ABLIM2: variants seen among roughly 807,000 people sequenced by gnomAD.
ABLIM2 encodes actin binding LIM protein family member 2.
ABLIM2 carries 53 observed loss-of-function variants against 97.7 expected under a neutral mutation model. The observed-to-expected ratio is 0.54, with a 90% CI of 0.44 to 0.68. ABLIM2 has a LOEUF of 0.68. Among genes scored for constraint, ABLIM2 ranks in the 30% least tolerant of loss-of-function variants. The pLI is 0.00. For synonymous variants in ABLIM2, 361 were observed against 345.8 expected, an observed-to-expected ratio of 1.04 and a Z score of -0.49; for missense variants, 835 against 867.2, an observed-to-expected ratio of 0.96 and a Z score of 0.47.
chr4:7,980,941 A>ATTTTTTTTTTTTTT lies in ABLIM2; in HGVS notation c.1824+2309_1824+2322dup, dbSNP rs1167615555. On this transcript the variant is annotated intron_variant, in intron 20 of 20. Coordinates refer to ENST00000447017, the MANE Select transcript of ABLIM2 (RefSeq NM_001130083.2). Reference sequence around the variant, plus strand: ...AGAACCATGGTCTCCACAACCCCTTATTTTTTTTTTTTTTTTTTTTGAGAT... The same window carrying ATTTTTTTTTTTTTT: ...AGAACCATGGTCTCCACAACCCCTTATTTTTTTTTTTTTTTTTTTTTTTTTTTTTTTTTTGAGAT... 9.6e-5 allele frequency among the ~76,000 whole-genome samples: 8 copies of ATTTTTTTTTTTTTT among 82,980 alleles called. 2 individuals are homozygous for ATTTTTTTTTTTTTT. Among genetic ancestry groups the ATTTTTTTTTTTTTT allele is most frequent in the East Asian group, 5.6e-4 (1 of 1,780 alleles). 54.4% of individuals were successfully genotyped at this position (82,980 alleles called of 152,430 possible).
At chr4:8,110,531 T>C (rs771858905) in intron 1 of ABLIM2, among the ~76,000 whole-genome samples, 59 of 152,128 alleles carry the variant, frequency 3.9e-4, no homozygotes, top group Non-Finnish European at 5.4e-4. Flanking sequence ...TGAGCAATAA[T>C]GTTCCCATAG....
At chr4:7,983,242 G>T in intron 20 of ABLIM2, 22 bp downstream of exon 20, 1 of 1,599,304 alleles carries the variant, frequency 6.3e-7, no homozygotes, top group Non-Finnish European at 8.5e-7. Context: ...TGAGTCCCCT[G>T]CCCCGGCAGT....
rs1712052650 is a variant in ABLIM2, at chr4:8,149,933, C to T, written c.10+8747G>A. ...AGTCCCCACTTGCCAGAGTGGTGGCCCCCATCCAAATGCCCCCTCCTGGCT... is the reference window on the plus strand; with the variant it reads ...AGTCCCCACTTGCCAGAGTGGTGGCTCCCATCCAAATGCCCCCTCCTGGCT... On this transcript the variant is annotated intron_variant, in intron 1 of 20. Transcript: ENST00000447017. The surrounding 1 kb of genome is among the most constrained non-coding windows in gnomAD (Gnocchi z 6.4). Among the ~76,000 whole-genome samples, 1 of 151,998 alleles carries T rather than the reference C, an allele frequency of 6.6e-6. No individual in the cohort carries two copies. Among genetic ancestry groups the T allele is most frequent in the South Asian group, 2.1e-4 (1 of 4,804 alleles).
chr4:8,045,378 C>A (rs925384602), intron 8 of ABLIM2, 137 bp from the exon 9 acceptor site: 2 of 777,180 alleles, frequency 2.6e-6, no homozygotes, highest in Admixed American at 4.2e-5. Context: ...GGGCCGGGCA[C>A]GGCGGCTCAC....
intron 6 of ABLIM2, among the ~76,000 whole-genome samples, chr4:8,070,887 C>T (rs964642418): frequency 1.3e-5 from 2 of 152,146 alleles, no homozygotes; most frequent in South Asian, 4.1e-4. Flanking sequence ...GAGACGGCCC[C>T]TGCACAGACT....
chr4:8,086,874 T>C (rs1416590690), intron 4 of ABLIM2, among the ~76,000 whole-genome samples: 126 of 148,928 alleles, frequency 8.5e-4, no homozygotes, highest in Non-Finnish European at 1.9e-4. Flanking sequence ...TGGAGAGAAA[T>C]TTTTGAATGG....
intron 12 of ABLIM2, among the ~76,000 whole-genome samples, chr4:8,027,144 G>A (rs550059853): frequency 3.3e-5 from 5 of 152,264 alleles, no homozygotes; most frequent in East Asian, 3.9e-4. Context: ...ATACAGTCAC[G>A]TCAGGAATTA....
chr4:8,134,506 T>C (rs568734000), intron 1 of ABLIM2, among the ~76,000 whole-genome samples: 126 of 152,308 alleles, frequency 8.3e-4, no homozygotes, highest in South Asian at 3.1e-3. Context: ...CCAATAGCGA[T>C]CCATCTCCCT....
rs1313365990 is a variant in ABLIM2, at chr4:8,149,069, C to G, written c.10+9611G>C. 2.6e-5 allele frequency among the ~76,000 whole-genome samples: 4 copies of G among 152,298 alleles called. No individual in the cohort carries two copies. In the East Asian group the frequency reaches 5.8e-4, roughly 22 times the overall value. ...CCAGAGTGTGAAGGGGTCTGTAGGG[C>G]TGGGGCCATCTGGAGGCTCCGGGGG... On this transcript the variant is annotated intron_variant, in intron 1 of 20. Coordinates refer to ENST00000447017, the MANE Select transcript of ABLIM2 (RefSeq NM_001130083.2). This position sits in a 1 kb window ranked among gnomAD's most constrained non-coding sequence, Gnocchi z 6.4.
rs1256854727 is a variant in ABLIM2, at chr4:8,036,341, C to T, written c.901-46G>A. ...GGGGAGGGGACAGTCACCAGATGCA[C>T]CCCAGAGGGCAGCACCCCCAAAGCC... On this transcript the variant is annotated intron_variant, in intron 9 of 20. Transcript: ENST00000447017. 1.3e-5 allele frequency: 21 copies of T among 1,599,422 alleles called. No individual in the cohort carries two copies. In the Middle Eastern group the frequency reaches 6.7e-4, roughly 51 times the overall value.
chr4:8,027,693 C>A, intron 12 of ABLIM2, 66 bp downstream of exon 12: 2 of 1,301,902 alleles, frequency 1.5e-6, no homozygotes, highest in South Asian at 1.6e-5. Flanking sequence ...ACATGGACAG[C>A]GAGCACACAG....
intron 20 of ABLIM2, among the ~76,000 whole-genome samples, chr4:7,980,062 A>G (rs536615030): frequency 6.6e-6 from 1 of 152,324 alleles, no homozygotes; most frequent in Admixed American, 6.5e-5. Flanking sequence ...CCACACCTGA[A>G]GGAGACATTC....
rs1208493203 is a variant in ABLIM2, at chr4:8,148,613, G to A, written c.10+10067C>T. Among the ~76,000 whole-genome samples, 1 of 152,192 alleles carries A rather than the reference G, an allele frequency of 6.6e-6. No homozygotes were observed. The highest frequency in any genetic ancestry group is 6.5e-5 in the Admixed American group (1 of 15,288). On this transcript the variant is annotated intron_variant, in intron 1 of 20. Transcript: ENST00000447017. The surrounding 1 kb of genome is among the most constrained non-coding windows in gnomAD (Gnocchi z 6.7). ...GGGTGAAAGCACATCGCGGTGCTGG[G>A]TCCACACTGGGGAAGCGCGTAAGCC...
chr4:7,994,130 G>T (rs1751342924), intron 16 of ABLIM2, among the ~76,000 whole-genome samples: 1 of 37,994 alleles, frequency 2.6e-5, no homozygotes, highest in Admixed American at 3.5e-4. Flanking sequence ...TAAGTTTTAG[G>T]GTACATGTGC....
At chr4:8,111,458 C>A (rs114673906) in intron 1 of ABLIM2, among the ~76,000 whole-genome samples, 2,945 of 152,330 alleles carry the variant, frequency 0.019, 83 homozygotes, top group African/African-American at 0.067. Flanking sequence ...GTGGCCCCCA[C>A]TGTAAAGTAT....
rs753816853 is a variant in ABLIM2 at position 8,071,413 on chromosome 4, C to CT, written c.675+6214dup. 1.6e-4 allele frequency among the ~76,000 whole-genome samples: 24 copies of CT among 152,162 alleles called. No homozygotes were observed. Among genetic ancestry groups the CT allele is most frequent in the Non-Finnish European group, 2.9e-4 (20 of 68,024 alleles). ...GAGGGTGCTGCACGTTTAGGAGAAA[C>CT]TGAGGGAGAGACGGGGAAGGAAAAC... On this transcript the variant is annotated intron_variant, in intron 6 of 20. Coordinates refer to ENST00000447017, the MANE Select transcript of ABLIM2 (RefSeq NM_001130083.2). This position sits in a 1 kb window ranked among gnomAD's most constrained non-coding sequence, Gnocchi z 6.2.
intron 8 of ABLIM2, among the ~76,000 whole-genome samples, chr4:8,048,037 T>C (rs1793685505): frequency 6.6e-6 from 1 of 152,180 alleles, no homozygotes; most frequent in African/African-American, 2.4e-5. Context: ...GGAGGGAGCG[T>C]TGGCTGGTTT....
intron 3 of ABLIM2, among the ~76,000 whole-genome samples, chr4:8,092,764 C>A (rs1482557591): frequency 6.6e-6 from 1 of 152,214 alleles, no homozygotes; most frequent in Non-Finnish European, 1.5e-5. Context: ...CATCCTCAAC[C>A]TTGGCTAAAT....
At chr4:8,091,873 T>TATATTATATATACA (rs1228908249) in intron 3 of ABLIM2, among the ~76,000 whole-genome samples, 5 of 114,200 alleles carry the variant, frequency 4.4e-5, no homozygotes, top group Non-Finnish European at 6.7e-5. Flanking sequence ...ATATATACAA[T>TATATTATATATACA]ATATATTATA....
Sources: allele counts gnomAD v4.1 joint callset (sites outside exome capture counted in the v4.1 genomes callset), GRCh38; gene constraint gnomAD v4.1.1; non-coding constraint Gnocchi (gnomAD v3.1); transcripts MANE v1.5; gene names NCBI Gene and HGNC (gene_info 2026-07-23, HGNC 2026-07-21).